The following TRIM33 variants were observed in gnomAD, a reference collection of about 807,000 sequenced individuals.
The protein encoded by TRIM33 is E3 ubiquitin-protein ligase TRIM33.
TRIM33 carries 20 observed loss-of-function variants against 125.4 expected under a neutral mutation model. The observed-to-expected ratio is 0.16, with a 90% CI of 0.11 to 0.23. The LOEUF (loss-of-function observed/expected upper bound fraction) is 0.23. Ranked by LOEUF, TRIM33 falls within the 10% of genes least tolerant of loss-of-function variation. TRIM33 has a pLI of 1.00. For missense variants in TRIM33, 920 were observed against 1,411.4 expected, an observed-to-expected ratio of 0.65 and a Z score of 5.58; for synonymous variants, 564 against 513.9, an observed-to-expected ratio of 1.10 and a Z score of -1.32.
chr1:114,494,968 C>T (rs1390368702), intron 1 of TRIM33, among the ~76,000 whole-genome samples: 1 of 152,142 alleles, frequency 6.6e-6, no homozygotes, highest in Non-Finnish European at 1.5e-5. Context: ...GGCTGGAGTG[C>T]AATGGCACCA....
chr1:114,414,858 T>C (rs1030623739), intron 11 of TRIM33, among the ~76,000 whole-genome samples: 1 of 152,122 alleles, frequency 6.6e-6, no homozygotes, highest in Non-Finnish European at 1.5e-5. Context: ...TCCCAAAGCT[T>C]ACTTTTTAAT....
intron 1 of TRIM33, among the ~76,000 whole-genome samples, chr1:114,464,675 T>C (rs190377373): frequency 3.1e-4 from 47 of 152,342 alleles, no homozygotes; most frequent in Non-Finnish European, 5.6e-4. Flanking sequence ...CTTCGGAAAC[T>C]ATGAATATTA....
In TRIM33 at chr1:114,424,154, A is replaced by T. The variant is rs142686786; in HGVS notation, c.1860+437T>A. Among the ~76,000 whole-genome samples the T allele has an allele frequency of 9.8e-3, 1,488 of 152,162 alleles. 11 individuals are homozygous for T. The highest frequency in any genetic ancestry group is 0.031 in the Middle Eastern group (9 of 294). ...ATTTGAGTAGAGAAAAGGTAAAAAAAAATAATAATAATAATACATATAGTT... is the reference window on the plus strand; with the variant it reads ...ATTTGAGTAGAGAAAAGGTAAAAAATAATAATAATAATAATACATATAGTT... On this transcript the variant is annotated intron_variant, in intron 10 of 19. Transcript: ENST00000358465.
chr1:114,425,354 A>G, intron 9 of TRIM33, 95 bp downstream of exon 9: 2 of 1,473,994 alleles, frequency 1.4e-6, no homozygotes, highest in Admixed American at 3.9e-5. Flanking sequence ...CAGTCTTGCT[A>G]GTAACTTTGA....
intron 11 of TRIM33, among the ~76,000 whole-genome samples, chr1:114,412,888 T>A (rs1215393084): frequency 1.3e-5 from 2 of 152,236 alleles, no homozygotes; most frequent in Non-Finnish European, 2.9e-5. Flanking sequence ...GGCTGAATCA[T>A]TATGACAGAT....
chr1:114,415,153 C>T (rs1296953531), intron 11 of TRIM33, among the ~76,000 whole-genome samples: 1 of 151,820 alleles, frequency 6.6e-6, no homozygotes, highest in Non-Finnish European at 1.5e-5. Flanking sequence ...TGCCAAGATG[C>T]CCGGCTCATT....
intron 4 of TRIM33, among the ~76,000 whole-genome samples, chr1:114,448,292 G>A (rs886963738): frequency 2.0e-5 from 3 of 152,198 alleles, no homozygotes; most frequent in African/African-American, 7.2e-5. Flanking sequence ...AAAAGTAGAT[G>A]TGGTAGAGGG....
intron 1 of TRIM33, among the ~76,000 whole-genome samples, chr1:114,487,713 A>C (rs986376266): frequency 2.0e-5 from 3 of 150,372 alleles, no homozygotes; most frequent in Admixed American, 6.6e-5. Context: ...CTGGCTAACA[A>C]GGTGAAACCC....
At chr1:114,444,147 G>T (rs1648829264) in intron 4 of TRIM33, among the ~76,000 whole-genome samples, 1 of 152,194 alleles carries the variant, frequency 6.6e-6, no homozygotes, top group Non-Finnish European at 1.5e-5. Context: ...AAAAATCACG[G>T]TGTGGGCTCA....
chr1:114,507,127 C>T (rs1557909292), intron 1 of TRIM33, among the ~76,000 whole-genome samples: 1 of 152,222 alleles, frequency 6.6e-6, no homozygotes, highest in Admixed American at 6.5e-5. Context: ...TATCAGAGAG[C>T]GACCTGGAGG....
chr1:114,454,585 C>G (rs985976377), intron 4 of TRIM33, among the ~76,000 whole-genome samples: 2 of 150,756 alleles, frequency 1.3e-5, no homozygotes, highest in African/African-American at 4.9e-5. Flanking sequence ...ACTCAGGTGT[C>G]TGAAGTGAGA....
At chr1:114,501,040 AT>A (rs536751720) in intron 1 of TRIM33, among the ~76,000 whole-genome samples, 13 of 114,988 alleles carry the variant, frequency 1.1e-4, no homozygotes, top group African/African-American at 4.2e-4. Flanking sequence ...AATACAAAAA[AT>A]TAGCCGGGCG....
chr1:114,469,005 T>A, intron 1 of TRIM33: 1 of 225,096 alleles, frequency 4.4e-6, no homozygotes, highest in Middle Eastern at 1.8e-3. Flanking sequence ...AGCCCAAACA[T>A]CTTGCATTTT....
chr1:114,480,476 TAAAAAAA>T (rs61241613), intron 1 of TRIM33, among the ~76,000 whole-genome samples: 11 of 77,870 alleles, frequency 1.4e-4, no homozygotes, highest in East Asian at 4.2e-4. Context: ...ATGATCAATT[TAAAAAAA>T]AAAAAAAAAA....
intron 4 of TRIM33, among the ~76,000 whole-genome samples, chr1:114,444,215 G>C (rs1648834775): frequency 6.6e-6 from 1 of 152,164 alleles, no homozygotes; most frequent in African/African-American, 2.4e-5. Context: ...TGTAGGATGA[G>C]AATGGGGAAC....
chr1:114,399,718 G>A, intron 17 of TRIM33, 109 bp from the exon 18 acceptor site: 1 of 942,474 alleles, frequency 1.1e-6, no homozygotes, highest in East Asian at 2.5e-5. Context: ...TATAGAGCCA[G>A]CTGCTTGCAA....
chr1:114,465,003 T>G (rs1398918323), intron 1 of TRIM33, among the ~76,000 whole-genome samples: 1 of 152,116 alleles, frequency 6.6e-6, no homozygotes, highest in Non-Finnish European at 1.5e-5. Flanking sequence ...TGAAAGGGAT[T>G]TCAAACTGCT....
At position 114,425,461 on chromosome 1, in the gene TRIM33, C is replaced by A; in HGVS notation, c.1683G>T (p.Met561Ile). Residue 561 changes from methionine to isoleucine, a missense_variant, in exon 9 of 20, where the codon ATG (methionine) becomes ATT (isoleucine). Physicochemically the swap from Met to Ile is conservative, Grantham distance 10 (BLOSUM62 1). Coordinates refer to ENST00000358465, the MANE Select transcript of TRIM33 (RefSeq NM_015906.4). ...ACACGATACTTACCTGTTGTTGTAA[C>A]ATCTGAGGGGCTGCTTGTCTAGGAT... Reference protein sequence around the residue: ...QQHPRQAAPQMLQQQPPRLIS... With the variant: ...QQHPRQAAPQILQQQPPRLIS... The A allele has an allele frequency of 1.9e-6, 3 of 1,613,876 alleles. No homozygotes were observed. The highest frequency in any genetic ancestry group is 2.5e-6 in the Non-Finnish European group (3 of 1,179,904).
Position 114,510,726 on chromosome 1 carries a change from C to T in TRIM33, c.351G>A (p.Pro117=). 6.5e-7 allele frequency: 1 copy of T among 1,533,350 alleles called. No homozygotes were observed. The highest frequency in any genetic ancestry group is 1.4e-5 in the African/African-American group (1 of 72,648). The allele number at this position is 1,533,350 out of a possible 1,614,324, so 95.0% of individuals were successfully genotyped here. A position where few individuals can be genotyped will look rare whatever the true frequency, so the allele number is the denominator to read the frequency against. The change falls in exon 1 of 20, where the codon CCG becomes CCA. Residue 117 remains proline (P), a synonymous_variant. Transcript: ENST00000358465. ...CGCAGGTGTCCAGGAGCGAGGCTGG[C>T]GGTCCAGGAGGCGGCCCTGCCGAGG... ...PGPSAGPPPG[P]PASLLDTCAV...
Sources: gnomAD v4.1 joint callset for allele counts (sites outside exome capture counted in the v4.1 genomes callset) on GRCh38, gnomAD v4.1.1 for gene constraint, MANE v1.5 for transcripts, NCBI Gene and HGNC (gene_info 2026-07-23, HGNC 2026-07-21) for gene names.